KAZN: variants seen among roughly 807,000 people sequenced by gnomAD.
KAZN encodes the protein kazrin.
A neutral mutation model predicts 87.4 loss-of-function variants in KAZN; 40 were observed. The observed-to-expected ratio is 0.46, with a 90% CI of 0.36 to 0.60. The LOEUF is 0.60. Among genes scored for constraint, KAZN ranks in the 20% least tolerant of loss-of-function variants. The pLI, the probability that KAZN is intolerant of heterozygous loss-of-function variation, is 0.00. For missense variants in KAZN, 898 were observed against 1,073.9 expected (o/e 0.84, Z 2.29); for synonymous variants, 466 against 458.3 (o/e 1.02, Z -0.22).
chr1:14,644,199 A>T (rs527431848), intron 1 of KAZN, among the ~76,000 whole-genome samples: 1 of 150,696 alleles, frequency 6.6e-6, no homozygotes, highest in African/African-American at 2.4e-5. Context: ...TTTATTAGAG[A>T]TGGGGTTTCA....
chr1:14,775,363 C>CATGCTTCCCCTGGAGGAAATAA (rs1553128976), intron 1 of KAZN, among the ~76,000 whole-genome samples: 1 of 152,260 alleles, frequency 6.6e-6, no homozygotes, highest in Non-Finnish European at 1.5e-5. Flanking sequence ...GTTCCAGCGT[C>CATGCTTCCCCTGGAGGAAATAA]ATGCTTCCCC....
At chr1:14,583,173 A>T (rs1405302319) in intron 2 of KAZN, among the ~76,000 whole-genome samples, 3 of 152,216 alleles carry the variant, frequency 2.0e-5, no homozygotes, top group African/African-American at 7.2e-5. Context: ...CTTACCCAAC[A>T]TCAGAGACCT....
intron 1 of KAZN, among the ~76,000 whole-genome samples, chr1:14,800,050 G>C (rs113668587): frequency 9.2e-4 from 140 of 152,270 alleles, no homozygotes; most frequent in African/African-American, 3.1e-3. Flanking sequence ...GGGACTCAAG[G>C]CTTGGATGTA....
chr1:13,986,084 T>G (rs1171861318), intron 1 of KAZN, among the ~76,000 whole-genome samples: 1 of 152,212 alleles, frequency 6.6e-6, no homozygotes, highest in East Asian at 1.9e-4. Context: ...TCAGAAACTA[T>G]CAAACTGTTT....
chr1:14,915,734 G>A (rs1036195398), intron 1 of KAZN, among the ~76,000 whole-genome samples: 17 of 152,160 alleles, frequency 1.1e-4, no homozygotes, highest in Admixed American at 2.0e-4. Flanking sequence ...GCCTTTTCCA[G>A]CCACATCACC....
At chr1:14,459,020 C>G (rs988285990) in intron 2 of KAZN, among the ~76,000 whole-genome samples, 4 of 152,088 alleles carry the variant, frequency 2.6e-5, no homozygotes, top group Admixed American at 1.3e-4. Context: ...TTTTGTTTGT[C>G]AAACTGGGTG....
At chr1:14,047,905 G>C (rs919900415) in intron 1 of KAZN, among the ~76,000 whole-genome samples, 1 of 151,666 alleles carries the variant, frequency 6.6e-6, no homozygotes, top group Non-Finnish European at 1.5e-5. Flanking sequence ...AAGAAGGAAG[G>C]AAAGAAAGAA....
At chr1:14,155,519 C>G (rs1645573616) in intron 1 of KAZN, among the ~76,000 whole-genome samples, 1 of 152,014 alleles carries the variant, frequency 6.6e-6, no homozygotes, top group Non-Finnish European at 1.5e-5. Flanking sequence ...CTCTTTATTT[C>G]AATTTCATTT....
chr1:14,959,002 C>T (rs983919862), intron 1 of KAZN, among the ~76,000 whole-genome samples: 5 of 152,230 alleles, frequency 3.3e-5, no homozygotes, highest in African/African-American at 9.6e-5. Context: ...CTCAAGTTCC[C>T]GCCCTCCTGG....
Position 14,501,080 on chromosome 1 carries a change from AAAATAAATAAATAAATAAAT to A in KAZN, c.250-97871_250-97852del, listed in dbSNP as rs148614828. Among the ~76,000 whole-genome samples, 636 of 141,044 alleles carry A rather than the reference AAAATAAATAAATAAATAAAT, an allele frequency of 4.5e-3. 3 individuals carry two copies. The highest frequency in any genetic ancestry group is 0.022 in the South Asian group (97 of 4,374). 92.5% of individuals were successfully genotyped at this position (141,044 alleles called of 152,430 possible). A position where few individuals can be genotyped will look rare whatever the true frequency, so the allele number is the denominator to read the frequency against. On this transcript the variant is annotated intron_variant, in intron 2 of 16. Coordinates refer to the KAZN transcript ENST00000636203. ...CATAACCTAAAAAGAGCATCTGCAA[AAAATAAATAAATAAATAAAT>A]AAATAAATAAATAAATAAATAAATA...
intron 2 of KAZN, among the ~76,000 whole-genome samples, chr1:14,418,255 A>G (rs1415328682): frequency 6.6e-6 from 1 of 152,056 alleles, no homozygotes; most frequent in Non-Finnish European, 1.5e-5. Flanking sequence ...TAACTCCACA[A>G]GTTCCTAACT....
chr1:14,296,477 T>G (rs937663817), intron 2 of KAZN, among the ~76,000 whole-genome samples: 2 of 152,106 alleles, frequency 1.3e-5, no homozygotes, highest in Non-Finnish European at 2.9e-5. Context: ...TGTGACGAGC[T>G]CAGTTCCTGC....
intron 1 of KAZN, among the ~76,000 whole-genome samples, chr1:13,905,077 G>T (rs774240541): frequency 8.1e-4 from 123 of 152,148 alleles, no homozygotes; most frequent in Non-Finnish European, 1.6e-3. Flanking sequence ...ACCTCTAGAA[G>T]TTCTCATTGA....
chr1:14,277,343 A>C (rs1652447825), intron 2 of KAZN, among the ~76,000 whole-genome samples: 1 of 152,200 alleles, frequency 6.6e-6, no homozygotes, highest in African/African-American at 2.4e-5. Context: ...TGTAACACCT[A>C]AATTATTTTT....
chr1:14,598,612 G>C, upstream of KAZN: 1 of 1,070,748 alleles, frequency 9.3e-7, no homozygotes, highest in Non-Finnish European at 1.1e-6. This position sits in a 1 kb window ranked among gnomAD's most constrained non-coding sequence, Gnocchi z 4.2. Context: ...CCCAGCCTCC[G>C]ACCGAGACCC....
chr1:14,917,411 A>C (rs1479652261), intron 1 of KAZN, among the ~76,000 whole-genome samples: 1 of 152,202 alleles, frequency 6.6e-6, no homozygotes, highest in Non-Finnish European at 1.5e-5. Flanking sequence ...TGGAGCCCCC[A>C]GGAGTGGACG....
intron 1 of KAZN, among the ~76,000 whole-genome samples, chr1:14,719,063 C>T (rs1249841333): frequency 6.6e-6 from 1 of 152,172 alleles, no homozygotes; most frequent in Non-Finnish European, 1.5e-5. Context: ...CCATCATAAT[C>T]TACCCACAGT....
chr1:14,719,505 T>C (rs1019774946), intron 1 of KAZN, among the ~76,000 whole-genome samples: 1 of 151,992 alleles, frequency 6.6e-6, no homozygotes, highest in Admixed American at 6.6e-5. Context: ...TTAAGGACAG[T>C]GGTTAGGGTG....
intron 1 of KAZN, among the ~76,000 whole-genome samples, chr1:14,681,776 C>T (rs1213929479): frequency 1.4e-5 from 2 of 142,202 alleles, no homozygotes; most frequent in East Asian, 2.1e-4. Flanking sequence ...TCCCGCCTCC[C>T]GGGAGGCGTT....
Sources: allele counts gnomAD v4.1 joint callset (sites outside exome capture counted in the v4.1 genomes callset), GRCh38; gene constraint gnomAD v4.1.1; non-coding constraint Gnocchi (gnomAD v3.1); transcripts MANE v1.5; gene names NCBI Gene and HGNC (gene_info 2026-07-23, HGNC 2026-07-21).